The following PRKG1 variants were observed in gnomAD, a reference collection of about 807,000 sequenced individuals.
PRKG1 encodes the protein cGMP-dependent protein kinase 1.
In PRKG1, 35 loss-of-function variants were observed where a neutral mutation model predicts 88.1. The observed-to-expected ratio is 0.40, with a 90% CI of 0.30 to 0.53. The LOEUF (loss-of-function observed/expected upper bound fraction) is 0.53, where lower values mean the gene tolerates loss of function less well. Among genes scored for constraint, PRKG1 ranks in the 20% least tolerant of loss-of-function variants. PRKG1 has a pLI of 0.59. For synonymous variants in PRKG1, 303 were observed against 292.5 expected, an observed-to-expected ratio of 1.04 and a Z score of -0.37; for missense variants, 540 against 839.8, an observed-to-expected ratio of 0.64 and a Z score of 4.41.
chr10:51,824,576 ATT>A (rs1353408311), intron 4 of PRKG1, among the ~76,000 whole-genome samples: 2 of 152,160 alleles, frequency 1.3e-5, no homozygotes, highest in Non-Finnish European at 2.9e-5. Flanking sequence ...AGACTGGGTA[ATT>A]TATGAAGAAA....
At chr10:52,203,869 G>A (rs953404126) in intron 9 of PRKG1, among the ~76,000 whole-genome samples, 2 of 152,014 alleles carry the variant, frequency 1.3e-5, no homozygotes, top group African/African-American at 4.8e-5. Context: ...TCATTTACTT[G>A]GTAGATTTTT....
intron 2 of PRKG1, among the ~76,000 whole-genome samples, chr10:51,201,499 G>A (rs1043234697): frequency 4.6e-5 from 7 of 152,054 alleles, no homozygotes; most frequent in Non-Finnish European, 1.0e-4. Flanking sequence ...ATATATCAAA[G>A]CCATGTATTT....
At chr10:51,596,622 T>A (rs567953094) in intron 3 of PRKG1, among the ~76,000 whole-genome samples, 1 of 152,336 alleles carries the variant, frequency 6.6e-6, no homozygotes, top group South Asian at 2.1e-4. Flanking sequence ...TATGGGGTAT[T>A]TTTAAGGTAT....
At chr10:52,194,318 C>T (rs1839450547) in intron 9 of PRKG1, among the ~76,000 whole-genome samples, 1 of 152,128 alleles carries the variant, frequency 6.6e-6, no homozygotes, top group African/African-American at 2.4e-5. Context: ...AAAAACAACC[C>T]TGTCAACTTA....
At chr10:51,309,707 T>G (rs929858490) in intron 2 of PRKG1, among the ~76,000 whole-genome samples, 1 of 152,008 alleles carries the variant, frequency 6.6e-6, no homozygotes, top group East Asian at 1.9e-4. Context: ...TAACTACAAA[T>G]AGAACTACCA....
chr10:52,277,747 T>A (rs528438466), intron 12 of PRKG1, among the ~76,000 whole-genome samples: 1 of 152,230 alleles, frequency 6.6e-6, no homozygotes, highest in East Asian at 1.9e-4. Context: ...TTTCTGCTAA[T>A]GACCAGCTTA....
intron 3 of PRKG1, among the ~76,000 whole-genome samples, chr10:51,641,160 G>T (rs1839789768): frequency 6.6e-6 from 1 of 152,062 alleles, no homozygotes; most frequent in South Asian, 2.1e-4. Context: ...AATTATCCTG[G>T]GTTAGCATCC....
At chr10:51,590,844 T>C (rs1342643579) in intron 3 of PRKG1, among the ~76,000 whole-genome samples, 1 of 152,088 alleles carries the variant, frequency 6.6e-6, no homozygotes, top group Non-Finnish European at 1.5e-5. Flanking sequence ...GCAACCTCAA[T>C]AAAACTTAGA....
intron 5 of PRKG1, among the ~76,000 whole-genome samples, chr10:51,930,492 C>CTT (rs1491352197): frequency 1.0e-5 from 1 of 99,882 alleles, no homozygotes; most frequent in African/African-American, 8.0e-5. Flanking sequence ...CTTTTTTTTT[C>CTT]CTCTTTTTTT....
intron 3 of PRKG1, among the ~76,000 whole-genome samples, chr10:51,548,514 A>C (rs886410603): frequency 2.6e-5 from 4 of 152,132 alleles, no homozygotes; most frequent in African/African-American, 9.7e-5. Flanking sequence ...GAAAAGTTTT[A>C]AATGCTGTCT....
intron 3 of PRKG1, among the ~76,000 whole-genome samples, chr10:51,631,715 A>G (rs1417933844): frequency 6.6e-6 from 1 of 152,204 alleles, no homozygotes. Flanking sequence ...TGTGCAGTTC[A>G]CAATAGCGTT....
intron 3 of PRKG1, among the ~76,000 whole-genome samples, chr10:51,657,901 G>A (rs1840201367): frequency 6.6e-6 from 1 of 152,136 alleles, no homozygotes; most frequent in East Asian, 1.9e-4. Context: ...GGGCTCCAGT[G>A]AAAAGCAAAC....
rs374148953 is a variant in PRKG1, at chr10:52,249,995, G to C, written c.1077-1575G>C. ...AAATGCTTGACCACATACAGTCACAGGGTCTGATCTCAACAGATGTCTTTT... is the reference window on the plus strand; with the variant it reads ...AAATGCTTGACCACATACAGTCACACGGTCTGATCTCAACAGATGTCTTTT... On this transcript the variant is annotated intron_variant, in intron 9 of 17. Coordinates refer to ENST00000373980, the MANE Select transcript of PRKG1 (RefSeq NM_006258.4). 1.3e-4 allele frequency among the ~76,000 whole-genome samples: 20 copies of C among 152,290 alleles called. No individual in the cohort carries two copies. The East Asian group carries it at 2.9e-3, about 22-fold the overall frequency.
chr10:51,485,016 A>T (rs1840488454), intron 3 of PRKG1, among the ~76,000 whole-genome samples: 1 of 152,188 alleles, frequency 6.6e-6, no homozygotes, highest in Non-Finnish European at 1.5e-5. Flanking sequence ...ATACTAGGGA[A>T]ATTTGAGCTT....
chr10:51,016,318 T>A (rs1406721877), intron 1 of PRKG1, among the ~76,000 whole-genome samples: 75 of 152,222 alleles, frequency 4.9e-4, no homozygotes, highest in Non-Finnish European at 1.0e-4. Flanking sequence ...GCTTACGTTC[T>A]TTGTTCCTCT....
At chr10:52,151,598 A>G (rs1448728721) in intron 8 of PRKG1, among the ~76,000 whole-genome samples, 1 of 152,160 alleles carries the variant, frequency 6.6e-6, no homozygotes, top group Non-Finnish European at 1.5e-5. Context: ...GTTAGTATGG[A>G]TTTTATATAG....
At chr10:51,833,538 C>A (rs1002999759) in intron 4 of PRKG1, among the ~76,000 whole-genome samples, 1 of 152,040 alleles carries the variant, frequency 6.6e-6, no homozygotes, top group Non-Finnish European at 1.5e-5. Context: ...TGCATGGAAA[C>A]GTGAATCTTT....
At chr10:51,202,397 C>A (rs1837934032) in intron 2 of PRKG1, among the ~76,000 whole-genome samples, 1 of 152,210 alleles carries the variant, frequency 6.6e-6, no homozygotes. Context: ...CTCCACCATT[C>A]TATCCTGCTA....
At chr10:52,079,097 G>C (rs926809630) in intron 7 of PRKG1, among the ~76,000 whole-genome samples, 10 of 152,156 alleles carry the variant, frequency 6.6e-5, no homozygotes, top group Admixed American at 5.2e-4. Context: ...GGTCACCCAG[G>C]CTTGAACATT....
Sources: gnomAD v4.1 joint callset for allele counts (sites outside exome capture counted in the v4.1 genomes callset) on GRCh38, gnomAD v4.1.1 for gene constraint, MANE v1.5 for transcripts, NCBI Gene and HGNC (gene_info 2026-07-23, HGNC 2026-07-21) for gene names.